CLVS1: variants seen among roughly 807,000 people sequenced by gnomAD.
The protein encoded by CLVS1 is clavesin-1.
A neutral mutation model predicts 33.1 loss-of-function variants in CLVS1; 10 were observed. That is an observed-to-expected ratio of 0.30 (90% CI 0.19 to 0.51). CLVS1 has a LOEUF of 0.51. Ranked by LOEUF, CLVS1 falls within the 20% of genes least tolerant of loss-of-function variation. CLVS1 has a pLI of 0.97. For synonymous variants in CLVS1, 163 were observed against 166.1 expected (o/e 0.98, Z 0.14); for missense variants, 343 against 433.4 (o/e 0.79, Z 1.85).
At chr8:61,147,589 T>G (rs1413181338) in intron 2 of CLVS1, among the ~76,000 whole-genome samples, 1 of 152,188 alleles carries the variant, frequency 6.6e-6, no homozygotes, top group African/African-American at 2.4e-5. Context: ...CTTTACCCTC[T>G]GAAAATGTCT....
the CLVS1 span, among the ~76,000 whole-genome samples, chr8:61,007,074 C>T: frequency 3.3e-5 from 5 of 152,096 alleles, no homozygotes; most frequent in African/African-American, 7.2e-5. Context: ...TTAATTCCAG[C>T]GCATTTGTTT....
intron 2 of CLVS1, among the ~76,000 whole-genome samples, chr8:61,220,957 G>A (rs1009532526): frequency 6.6e-6 from 1 of 152,078 alleles, no homozygotes. Context: ...TTGTGAATGG[G>A]AATTCGTTCA....
chr8:61,066,492 T>C (rs1804682088), intron 1 of CLVS1, among the ~76,000 whole-genome samples: 1 of 152,164 alleles, frequency 6.6e-6, no homozygotes, highest in South Asian at 2.1e-4. Flanking sequence ...GGCAAGACCC[T>C]GTCTCAAGAA....
At chr8:61,013,917 C>T in the CLVS1 span, among the ~76,000 whole-genome samples, 2 of 152,132 alleles carry the variant, frequency 1.3e-5, no homozygotes, top group Middle Eastern at 3.2e-3. Flanking sequence ...TGGCTCTTGT[C>T]CCTGTCATTG....
intron 4 of CLVS1, 38 bp from the exon 5 acceptor site, chr8:61,458,269 G>T: frequency 1.4e-6 from 2 of 1,473,652 alleles, no homozygotes; most frequent in South Asian, 2.4e-5. Flanking sequence ...GTATGTTTTG[G>T]ATTTTGTATT....
the CLVS1 span, among the ~76,000 whole-genome samples, chr8:61,018,101 G>A: frequency 4.6e-5 from 7 of 152,128 alleles, no homozygotes; most frequent in Non-Finnish European, 8.8e-5. Flanking sequence ...AGCTTTATTC[G>A]TCAATCTCAC....
At chr8:61,056,588 CA>C (rs1041033282), upstream of CLVS1, among the ~76,000 whole-genome samples, 141 of 152,264 alleles carry the variant, frequency 9.3e-4, 1 homozygote, top group African/African-American at 3.3e-3. Context: ...ACTCATAATT[CA>C]GGACATTAGA....
At chr8:61,397,654 A>G (rs899028097) in intron 3 of CLVS1, among the ~76,000 whole-genome samples, 11 of 152,150 alleles carry the variant, frequency 7.2e-5, no homozygotes, top group African/African-American at 2.7e-4. Context: ...ATTTAGATCT[A>G]TAATCTATTT....
rs909731786 is a variant in CLVS1 at position 61,361,520 on chromosome 8, A to G, written c.456-15085A>G. Among the ~76,000 whole-genome samples the G allele has an allele frequency of 3.9e-5, 6 of 152,320 alleles. No individual in the cohort carries two copies. In the East Asian group the frequency reaches 1.2e-3, roughly 29 times the overall value. ...TTTCCCTGTCTCATAGTTTGACACA[A>G]CTGTCTGCCTTGGCTGCAGAGAAAG... On this transcript the variant is annotated intron_variant, in intron 2 of 5. Transcript: ENST00000325897.
At chr8:61,483,411 A>T (rs1440039489) in intron 5 of CLVS1, among the ~76,000 whole-genome samples, 2 of 152,238 alleles carry the variant, frequency 1.3e-5, no homozygotes, top group Admixed American at 1.3e-4. Flanking sequence ...GAATCCCTGA[A>T]TACACCAATA....
intron 3 of CLVS1, among the ~76,000 whole-genome samples, chr8:61,382,086 A>G (rs1813901685): frequency 6.6e-6 from 1 of 152,080 alleles, no homozygotes; most frequent in Non-Finnish European, 1.5e-5. Context: ...CCAAAACATG[A>G]TATGTTCACT....
intron 3 of CLVS1, among the ~76,000 whole-genome samples, chr8:61,407,521 T>C (rs1262608301): frequency 1.3e-5 from 2 of 152,162 alleles, no homozygotes; most frequent in African/African-American, 4.8e-5. Flanking sequence ...CATTTGAAAA[T>C]TAAAATAAAG....
chr8:61,101,493 G>T (rs1260559913), intron 1 of CLVS1, among the ~76,000 whole-genome samples: 1 of 152,050 alleles, frequency 6.6e-6, no homozygotes, highest in East Asian at 1.9e-4. Flanking sequence ...AGTTTTAATA[G>T]TTCTTTATAT....
intron 3 of CLVS1, among the ~76,000 whole-genome samples, chr8:61,420,551 G>A (rs1392372752): frequency 1.3e-5 from 2 of 152,060 alleles, no homozygotes; most frequent in Non-Finnish European, 2.9e-5. Context: ...GCAGTGAGCC[G>A]AGATCGCACC....
intron 2 of CLVS1, among the ~76,000 whole-genome samples, chr8:61,216,149 G>C (rs949632162): frequency 6.6e-6 from 1 of 152,136 alleles, no homozygotes; most frequent in African/African-American, 2.4e-5. Flanking sequence ...AATAAATAGT[G>C]TTGCCATCTG....
intron 2 of CLVS1, among the ~76,000 whole-genome samples, chr8:61,135,652 G>A (rs1018498131): frequency 7.9e-5 from 12 of 152,190 alleles, no homozygotes; most frequent in African/African-American, 2.7e-4. Context: ...CTCACTTCTG[G>A]AACCAATATA....
intron 2 of CLVS1, among the ~76,000 whole-genome samples, chr8:61,359,897 C>T (rs975046269): frequency 6.6e-6 from 1 of 152,162 alleles, no homozygotes; most frequent in African/African-American, 2.4e-5. Context: ...TCCTGCCTGG[C>T]GTTCCTAGGC....
chr8:61,196,721 TCATTTAGGAGG>T (rs1275162194), intron 2 of CLVS1, among the ~76,000 whole-genome samples: 5 of 152,154 alleles, frequency 3.3e-5, no homozygotes, highest in Admixed American at 6.5e-5. Flanking sequence ...TGTATTTAGG[TCATTTAGGAGG>T]CATTTAGGAG....
At chr8:61,021,646 C>T in the CLVS1 span, among the ~76,000 whole-genome samples, 1 of 152,122 alleles carries the variant, frequency 6.6e-6, no homozygotes, top group African/African-American at 2.4e-5. Context: ...ACCGCATGAG[C>T]GCACCCGGCC....
Sources: gnomAD v4.1 joint callset for allele counts (sites outside exome capture counted in the v4.1 genomes callset) on GRCh38, gnomAD v4.1.1 for gene constraint, MANE v1.5 for transcripts, NCBI Gene and HGNC (gene_info 2026-07-23, HGNC 2026-07-21) for gene names.